Variants in PHF20 observed in about 807,000 individuals in gnomAD.
PHF20 encodes glioma-expressed antigen 2.
Under a neutral mutation model 113.5 loss-of-function variants are expected in PHF20, and 23 were observed. The observed-to-expected ratio is 0.20, with a 90% confidence interval of 0.15 to 0.29. The LOEUF is 0.29. Ranked by LOEUF, PHF20 falls within the 10% of genes least tolerant of loss-of-function variation. PHF20 has a pLI of 1.00. For synonymous variants in PHF20, 434 were observed against 457.3 expected (o/e 0.95, Z 0.65); for missense variants, 943 against 1,219.6 (o/e 0.77, Z 3.38).
chr20:35,842,621 C>G lies in PHF20; in HGVS notation c.132C>G (p.Leu44=). ...TTGACTACGAGGAAGGAAAAGTACT[C>G]ATCCATTTCAAGCGTTGGAACCATC... ...EDIDYEEGKV[L]IHFKRWNHRY... is the part of the protein sequence containing the mutation. Residue 44 remains leucine (L), a synonymous_variant, in exon 3 of 18, where the codon CTC becomes CTG. Coordinates refer to ENST00000374012, the MANE Select transcript of PHF20 (RefSeq NM_016436.5). The G allele has an allele frequency of 6.2e-7, 1 of 1,613,892 alleles. No individual in the cohort carries two copies. Among genetic ancestry groups the G allele is most frequent in the Non-Finnish European group, 8.5e-7 (1 of 1,179,850 alleles).
rs1555791543 is a variant in PHF20 at position 35,834,083 on chromosome 20, T to TAAATAAATAAAA, written c.84-8487_84-8486insTAAATAAAAAAA. Among the ~76,000 whole-genome samples the TAAATAAATAAAA allele has an allele frequency of 8.1e-3, 1,225 of 150,786 alleles. 7 individuals carry two copies. The highest frequency in any genetic ancestry group is 0.014 in the Non-Finnish European group (924 of 67,738). On this transcript the variant is annotated intron_variant, in intron 2 of 17. Coordinates refer to ENST00000374012, the MANE Select transcript of PHF20 (RefSeq NM_016436.5). ...AAAAATAAATAAATAAATAAATAAATAAAAAGGCGGGAGGGTTTATTCAAG... is the reference window on the plus strand; with the variant it reads ...AAAAATAAATAAATAAATAAATAAATAAATAAATAAAAAAAAAGGCGGGAGGGTTTATTCAAG...
chr20:35,907,125 G>C (rs916091637), intron 10 of PHF20, among the ~76,000 whole-genome samples: 1 of 152,138 alleles, frequency 6.6e-6, no homozygotes, highest in African/African-American at 2.4e-5. Flanking sequence ...TGAGCTCTGT[G>C]GTGTACAAGC....
At chr20:35,944,052 G>T (rs1326120583) in intron 17 of PHF20, among the ~76,000 whole-genome samples, 1 of 152,184 alleles carries the variant, frequency 6.6e-6, no homozygotes, top group East Asian at 1.9e-4. Context: ...CTATACACAT[G>T]ATCTTAGTGT....
intron 2 of PHF20, among the ~76,000 whole-genome samples, chr20:35,819,174 G>A (rs1184488000): frequency 1.3e-5 from 2 of 151,562 alleles, no homozygotes; most frequent in Non-Finnish European, 2.9e-5. Flanking sequence ...CAGGTGATCT[G>A]CCCGCCTCAG....
intron 1 of PHF20, among the ~76,000 whole-genome samples, chr20:35,779,043 GT>G (rs1247673135): frequency 8.1e-5 from 12 of 147,296 alleles, no homozygotes; most frequent in Admixed American, 3.4e-4. Flanking sequence ...TTTGTTTTTT[GT>G]TTTTTTTTTG....
At chr20:35,872,063 A>G (rs951842019) in intron 9 of PHF20, among the ~76,000 whole-genome samples, 4 of 151,284 alleles carry the variant, frequency 2.6e-5, no homozygotes, top group East Asian at 1.9e-4. Context: ...TTTTACTTCA[A>G]TTTTCTCTAT....
chr20:35,810,017 C>T (rs1439632681), intron 2 of PHF20, among the ~76,000 whole-genome samples: 1 of 152,106 alleles, frequency 6.6e-6, no homozygotes, highest in Non-Finnish European at 1.5e-5. Context: ...GCAACCTCCG[C>T]CTCCTGAGTT....
chr20:35,815,023 C>T (rs2042046681), intron 2 of PHF20, among the ~76,000 whole-genome samples: 1 of 147,374 alleles, frequency 6.8e-6, no homozygotes, highest in Non-Finnish European at 1.5e-5. Context: ...TGATGAAACC[C>T]CGTCTCTACT....
Position 35,805,351 on chromosome 20 carries a change from TTTTTTATTATTA to T in PHF20, c.83+3749_83+3760del, listed in dbSNP as rs1267007963. 7.8e-3 allele frequency among the ~76,000 whole-genome samples: 998 copies of T among 127,962 alleles called. 11 individuals carry two copies. The highest frequency in any genetic ancestry group is 0.028 in the African/African-American group (914 of 33,052). 83.9% of individuals were successfully genotyped at this position (127,962 alleles called of 152,430 possible). A position where few individuals can be genotyped will look rare whatever the true frequency, so the allele number is the denominator to read the frequency against. On this transcript the variant is annotated intron_variant, in intron 2 of 17. Coordinates refer to ENST00000374012, the MANE Select transcript of PHF20 (RefSeq NM_016436.5). ...CACAGGCACATGCCACCACGCCTGA[TTTTTTATTATTA>T]TTATTATTATTATTATTATTATTAT...
In PHF20 at chr20:35,947,857, C is replaced by T; in HGVS notation, c.*230C>T. ...GTAGCAAATAGACTCTTGGGATTCCCCTCTTCTGTGCACATCGTTGAATGA... is the reference window on the plus strand; with the variant it reads ...GTAGCAAATAGACTCTTGGGATTCCTCTCTTCTGTGCACATCGTTGAATGA... On this transcript the variant is annotated 3_prime_UTR_variant, in exon 18 of 18. Coordinates refer to ENST00000374012, the MANE Select transcript of PHF20 (RefSeq NM_016436.5). The T allele has an allele frequency of 4.0e-6, 2 of 503,764 alleles. No homozygotes were observed. The highest frequency in any genetic ancestry group is 3.6e-6 in the Non-Finnish European group (1 of 279,162). 31.2% of individuals were successfully genotyped at this position (503,764 alleles called of 1,614,324 possible). A position where few individuals can be genotyped will look rare whatever the true frequency, so the allele number is the denominator to read the frequency against.
At chr20:35,839,019 C>T (rs568275686) in intron 2 of PHF20, among the ~76,000 whole-genome samples, 7 of 150,274 alleles carry the variant, frequency 4.7e-5, no homozygotes, top group South Asian at 4.2e-4. Flanking sequence ...AAGTGATTTC[C>T]GTGTAAAGAA....
chr20:35,860,290 G>A (rs1314625177), intron 5 of PHF20, among the ~76,000 whole-genome samples: 1 of 149,998 alleles, frequency 6.7e-6, no homozygotes, highest in Non-Finnish European at 1.5e-5. Context: ...GCCTAGGCTG[G>A]AGTACAGTGA....
chr20:35,880,489 A>G (rs557180192), intron 9 of PHF20, among the ~76,000 whole-genome samples: 1 of 152,222 alleles, frequency 6.6e-6, no homozygotes, highest in African/African-American at 2.4e-5. Flanking sequence ...CTTTCCTTCC[A>G]TTTAGCTATT....
At chr20:35,918,608 C>T (rs2055450764) in intron 13 of PHF20, among the ~76,000 whole-genome samples, 2 of 152,170 alleles carry the variant, frequency 1.3e-5, no homozygotes, top group Non-Finnish European at 2.9e-5. Flanking sequence ...CTAGGTAGAC[C>T]AAGGTCAGAA....
chr20:35,793,995 C>CAATAAAAAAAAAAAAAAA (rs2041614235), intron 1 of PHF20, among the ~76,000 whole-genome samples: 1 of 33,836 alleles, frequency 3.0e-5, no homozygotes, highest in Non-Finnish European at 5.5e-5. Context: ...GACTCTGTCT[C>CAATAAAAAAAAAAAAAAA]AAAAAAAAAA....
intron 2 of PHF20, among the ~76,000 whole-genome samples, chr20:35,802,305 A>G (rs1454379761): frequency 2.0e-5 from 3 of 151,960 alleles, no homozygotes; most frequent in African/African-American, 7.3e-5. Flanking sequence ...TTGGTGCTCA[A>G]GGTGAGCGTG....
At position 35,914,106 on chromosome 20, in the gene PHF20, G is replaced by A. The variant is rs778332449; in HGVS notation, c.1734G>A (p.Arg578=). 1 of 1,614,138 alleles carries A rather than the reference G, an allele frequency of 6.2e-7. No homozygotes were observed. Among genetic ancestry groups the A allele is most frequent in the East Asian group, 2.2e-5 (1 of 44,884 alleles). ...CACCCAAGGCATTTGCTGTTACCAG[G>A]TGTGGGTCCTCACACAAGCCAGGGG... is the stretch of plus-strand genomic sequence containing the variant. The part of the protein sequence containing the change: ...PSPPKAFAVT[R]CGSSHKPGVH... The change falls in exon 12 of 18, where the codon AGG becomes AGA. Residue 578 remains arginine, a synonymous_variant. Coordinates refer to ENST00000374012, the MANE Select transcript of PHF20 (RefSeq NM_016436.5).
At chr20:35,772,655 T>TCC (rs368549298) in intron 1 of PHF20, among the ~76,000 whole-genome samples, 1 of 148,016 alleles carries the variant, frequency 6.8e-6, no homozygotes, top group Non-Finnish European at 1.5e-5. Context: ...CTAAAAGCCC[T>TCC]CCCCCCCCCA....
At chr20:35,932,357 C>T (rs1309521539) in intron 15 of PHF20, among the ~76,000 whole-genome samples, 1 of 150,710 alleles carries the variant, frequency 6.6e-6, no homozygotes, top group Non-Finnish European at 1.5e-5. Context: ...GCACGAGCCA[C>T]TGTACCTGGC....
Sources: allele counts gnomAD v4.1 joint callset (sites outside exome capture counted in the v4.1 genomes callset), GRCh38; gene constraint gnomAD v4.1.1; transcripts MANE v1.5; gene names NCBI Gene and HGNC (gene_info 2026-07-23, HGNC 2026-07-21).